The following MLLT3 variants were observed in gnomAD, a reference collection of about 807,000 sequenced individuals.
MLLT3 encodes MLLT3 super elongation complex subunit.
MLLT3 carries 4 observed loss-of-function variants against 53.2 expected under a neutral mutation model. The observed-to-expected ratio is 0.08, with a 90% CI of 0.04 to 0.17. MLLT3 has a LOEUF of 0.17. Among genes scored for constraint, MLLT3 ranks in the 10% least tolerant of loss-of-function variants. The pLI, the probability that MLLT3 is intolerant of heterozygous loss-of-function variation, is 1.00. For synonymous variants in MLLT3, 283 were observed against 230.6 expected, an observed-to-expected ratio of 1.23 and a Z score of -2.06; for missense variants, 569 against 684.0, an observed-to-expected ratio of 0.83 and a Z score of 1.87.
At chr9:20,413,485 A>G (rs1220712814) in intron 5 of MLLT3, among the ~76,000 whole-genome samples, 3 of 152,232 alleles carry the variant, frequency 2.0e-5, no homozygotes, top group African/African-American at 7.2e-5. Flanking sequence ...TTATAATGCT[A>G]TGGAAATATC....
chr9:20,483,403 A>G (rs373840642), intron 2 of MLLT3, among the ~76,000 whole-genome samples: 2 of 143,814 alleles, frequency 1.4e-5, no homozygotes, highest in African/African-American at 5.1e-5. Flanking sequence ...ACACCTGGCT[A>G]TTTTTTTTTT....
intron 2 of MLLT3, among the ~76,000 whole-genome samples, chr9:20,563,875 G>C (rs1819282606): frequency 6.6e-6 from 1 of 152,156 alleles, no homozygotes; most frequent in African/African-American, 2.4e-5. Flanking sequence ...AAAAGAATCA[G>C]CCACAAGTTT....
chr9:20,519,344 T>C (rs1177368232), intron 2 of MLLT3, among the ~76,000 whole-genome samples: 2 of 152,198 alleles, frequency 1.3e-5, no homozygotes, highest in Non-Finnish European at 2.9e-5. Context: ...AGGGACACTC[T>C]ATACTATGAA....
intron 2 of MLLT3, among the ~76,000 whole-genome samples, chr9:20,480,327 T>C (rs1824630120): frequency 6.6e-6 from 1 of 152,214 alleles, no homozygotes; most frequent in Non-Finnish European, 1.5e-5. Flanking sequence ...ATGCATGAAA[T>C]AGCTCTTTCA....
chr9:20,386,634 C>G (rs1004249014), intron 5 of MLLT3, among the ~76,000 whole-genome samples: 1 of 152,160 alleles, frequency 6.6e-6, no homozygotes, highest in Non-Finnish European at 1.5e-5. Context: ...ATGCCCCAAA[C>G]TCCTATTCTA....
intron 2 of MLLT3, among the ~76,000 whole-genome samples, chr9:20,619,368 T>C (rs1378015614): frequency 6.6e-6 from 1 of 152,116 alleles, no homozygotes; most frequent in Non-Finnish European, 1.5e-5. Context: ...CAATCCTACT[T>C]CCCATTACAT....
intron 5 of MLLT3, among the ~76,000 whole-genome samples, chr9:20,367,100 T>G (rs140843732): frequency 1.8e-4 from 27 of 152,308 alleles, no homozygotes; most frequent in Middle Eastern, 3.4e-3. Context: ...GTCGCCATTG[T>G]TTTTTTGTAA....
At chr9:20,508,211 C>G (rs1825433741) in intron 2 of MLLT3, among the ~76,000 whole-genome samples, 1 of 152,172 alleles carries the variant, frequency 6.6e-6, no homozygotes, top group South Asian at 2.1e-4. Flanking sequence ...GAAAAACCTA[C>G]AGAACACTTG....
At chr9:20,516,950 A>G (rs1486823480) in intron 2 of MLLT3, among the ~76,000 whole-genome samples, 1 of 152,242 alleles carries the variant, frequency 6.6e-6, no homozygotes, top group African/African-American at 2.4e-5. Context: ...AATATGCTGG[A>G]AACTGCTATG....
At chr9:20,531,595 T>C (rs968366715) in intron 2 of MLLT3, among the ~76,000 whole-genome samples, 8 of 152,220 alleles carry the variant, frequency 5.3e-5, no homozygotes, top group African/African-American at 1.9e-4. Flanking sequence ...TTCTCATTTG[T>C]CTTCCTTTCA....
At chr9:20,424,150 G>A (rs1182664763) in intron 4 of MLLT3, among the ~76,000 whole-genome samples, 2 of 152,022 alleles carry the variant, frequency 1.3e-5, no homozygotes. Context: ...AACTGAGAAG[G>A]TCCTGGAACC....
At chr9:20,604,360 A>C (rs1820511190) in intron 2 of MLLT3, among the ~76,000 whole-genome samples, 1 of 152,082 alleles carries the variant, frequency 6.6e-6, no homozygotes, top group Non-Finnish European at 1.5e-5. Flanking sequence ...AAGGATTATA[A>C]GTCAAACTCA....
rs764338674 is a variant in MLLT3, at chr9:20,620,637, T to G, written c.193+17A>C. 3 of 1,610,054 alleles carry G rather than the reference T, an allele frequency of 1.9e-6. No individual in the cohort carries two copies. The highest frequency in any genetic ancestry group is 2.5e-6 in the Non-Finnish European group (3 of 1,177,196). ...AAAGACATTTTTTATCAAGACCCTT[T>G]TGTATTCGAGCCCTACCTCTTTTTG... is the stretch of plus-strand genomic sequence containing the variant. On this transcript the variant is annotated intron_variant, in intron 2 of 10. Coordinates refer to ENST00000380338, the MANE Select transcript of MLLT3 (RefSeq NM_004529.4). The surrounding 1 kb of genome is among the most constrained non-coding windows in gnomAD (Gnocchi z 6.1).
chr9:20,595,988 A>G (rs1346808404), intron 2 of MLLT3, among the ~76,000 whole-genome samples: 1 of 152,226 alleles, frequency 6.6e-6, no homozygotes, highest in East Asian at 1.9e-4. Flanking sequence ...TTTAAATTTT[A>G]AAAGCCACAT....
At chr9:20,413,694 G>T (rs1243151550) in intron 5 of MLLT3, 27 bp downstream of exon 5, 1 of 1,516,676 alleles carries the variant, frequency 6.6e-7, no homozygotes, top group East Asian at 2.3e-5. Context: ...ATAAGGGAAA[G>T]GAAGAAAGCC....
intron 2 of MLLT3, among the ~76,000 whole-genome samples, chr9:20,505,584 A>G (rs1221152830): frequency 6.6e-6 from 1 of 152,230 alleles, no homozygotes; most frequent in African/African-American, 2.4e-5. Flanking sequence ...TATAAGTTCT[A>G]AAATAAAAAC....
intron 2 of MLLT3, among the ~76,000 whole-genome samples, chr9:20,619,347 G>T (rs1587138682): frequency 6.6e-6 from 1 of 152,004 alleles, no homozygotes; most frequent in African/African-American, 2.4e-5. Context: ...AACCACTAAA[G>T]GCAAAAAATA....
chr9:20,519,581 C>A (rs182909362), intron 2 of MLLT3, among the ~76,000 whole-genome samples: 1 of 152,088 alleles, frequency 6.6e-6, no homozygotes, highest in East Asian at 1.9e-4. Context: ...ATGTGGCCAA[C>A]AATCATATGA....
rs779620831 is a variant in MLLT3, at chr9:20,341,856, C to T, written c.*4587G>A. The T allele has an allele frequency of 6.8e-5, 14 of 204,494 alleles. No homozygotes were observed. The highest frequency in any genetic ancestry group is 1.9e-4 in the South Asian group (1 of 5,268). The allele number at this position is 204,494 out of a possible 1,614,324, so 12.7% of individuals were successfully genotyped here. A position where few individuals can be genotyped will look rare whatever the true frequency, so the allele number is the denominator to read the frequency against. On this transcript the variant is annotated 3_prime_UTR_variant, in exon 11 of 11. Transcript: ENST00000380338. The stretch of plus-strand genomic sequence containing the variant: ...GAAATAGGGGGGAAAGAAAAAATAC[C>T]GGGCACACATAGCCCAGTTTATGCC...
Sources: allele counts gnomAD v4.1 joint callset (sites outside exome capture counted in the v4.1 genomes callset), GRCh38; gene constraint gnomAD v4.1.1; non-coding constraint Gnocchi (gnomAD v3.1); transcripts MANE v1.5; gene names NCBI Gene and HGNC (gene_info 2026-07-23, HGNC 2026-07-21).